Variants in ATRNL1 observed in about 807,000 individuals in gnomAD.
ATRNL1 encodes the protein attractin-like protein 1.
In ATRNL1, 95 loss-of-function variants were observed where a neutral mutation model predicts 182.7. The ratio of observed to expected loss-of-function variants is 0.52; its 90% confidence interval spans 0.44 to 0.62. ATRNL1 has a LOEUF of 0.62. ATRNL1 is among the 20% of genes least tolerant of loss of function. The pLI is 0.00. For synonymous variants in ATRNL1, 576 were observed against 568.3 expected, an observed-to-expected ratio of 1.01 and a Z score of -0.19; for missense variants, 1,471 against 1,679.5, an observed-to-expected ratio of 0.88 and a Z score of 2.17.
At chr10:115,252,465 CT>C (rs1384882879) in intron 10 of ATRNL1, among the ~76,000 whole-genome samples, 1 of 152,230 alleles carries the variant, frequency 6.6e-6, no homozygotes, top group African/African-American at 2.4e-5. Context: ...AGATTCTGCC[CT>C]GCGCCACAGG....
chr10:115,842,117 A>G (rs1377652739), intron 27 of ATRNL1, among the ~76,000 whole-genome samples: 4 of 115,158 alleles, frequency 3.5e-5, no homozygotes, highest in Admixed American at 2.1e-4. Flanking sequence ...TGCATTTTTA[A>G]TATTTCACTC....
At chr10:115,250,729 C>T (rs2133841831) in intron 10 of ATRNL1, among the ~76,000 whole-genome samples, 1 of 152,280 alleles carries the variant, frequency 6.6e-6, no homozygotes, top group South Asian at 2.1e-4. Flanking sequence ...GTCCACTGGA[C>T]CCCTAAATAT....
chr10:115,177,932 T>G (rs1592217385), intron 8 of ATRNL1, among the ~76,000 whole-genome samples: 1 of 146,024 alleles, frequency 6.8e-6, no homozygotes, highest in African/African-American at 2.5e-5. Context: ...TTGTTTTTTT[T>G]TTTTTTGAGA....
intron 27 of ATRNL1, among the ~76,000 whole-genome samples, chr10:115,774,425 CAAAAAAAAAAAA>C (rs56048429): frequency 8.6e-5 from 6 of 69,376 alleles, no homozygotes; most frequent in Non-Finnish European, 1.4e-4. Context: ...GACTCCATCT[CAAAAAAAAAAAA>C]AAAAAAAAAA....
chr10:115,458,792 G>A (rs932806303), intron 21 of ATRNL1, among the ~76,000 whole-genome samples: 11 of 152,072 alleles, frequency 7.2e-5, no homozygotes, highest in Non-Finnish European at 1.3e-4. Flanking sequence ...TGCTTGAGCA[G>A]ACAAATTTGT....
rs573173618 is a variant in ATRNL1, at chr10:115,286,256, T to C, written c.2274T>C (p.Ala758=). The part of the protein sequence containing the change: ...CGEGWSHIGD[A]CLRVNSSREN... ...AAGGATGGAGTCATATTGGGGATGC[T>C]TGTCTTAGAGTCAATTCCAGTAGAG... is the stretch of plus-strand genomic sequence containing the variant. The change falls in exon 15 of 29, where the codon GCT becomes GCC. Residue 758 remains alanine (A), a synonymous_variant. Transcript: ENST00000355044. 3.1e-6 allele frequency: 5 copies of C among 1,599,166 alleles called. No individual in the cohort carries two copies. The South Asian group carries it at 5.5e-5, about 18-fold the overall frequency.
chr10:115,858,692 TTAAAA>T (rs1176778430), intron 28 of ATRNL1, among the ~76,000 whole-genome samples: 8 of 152,230 alleles, frequency 5.3e-5, no homozygotes, highest in African/African-American at 1.2e-4. Flanking sequence ...ACCTCGGAAC[TTAAAA>T]TAAAATAAAT....
intron 28 of ATRNL1, among the ~76,000 whole-genome samples, chr10:115,874,493 G>T (rs1951656617): frequency 6.6e-6 from 1 of 152,136 alleles, no homozygotes; most frequent in Non-Finnish European, 1.5e-5. Context: ...ATCAGAGAAA[G>T]AAATCAATGT....
chr10:115,325,348 CACT>C (rs1854816736), intron 18 of ATRNL1, among the ~76,000 whole-genome samples: 1 of 152,152 alleles, frequency 6.6e-6, no homozygotes, highest in African/African-American at 2.4e-5. Flanking sequence ...GTCGATCTAA[CACT>C]CTTTTGGTAG....
intron 27 of ATRNL1, among the ~76,000 whole-genome samples, chr10:115,797,182 C>T (rs1189455745): frequency 6.6e-6 from 1 of 151,998 alleles, no homozygotes; most frequent in East Asian, 1.9e-4. Flanking sequence ...TTCATTTATT[C>T]AAAATGTAGT....
At chr10:115,208,990 G>A (rs1848911311) in intron 8 of ATRNL1, among the ~76,000 whole-genome samples, 1 of 151,570 alleles carries the variant, frequency 6.6e-6, no homozygotes, top group African/African-American at 2.4e-5. Context: ...ATGAAATATA[G>A]TATTTCACTT....
intron 20 of ATRNL1, among the ~76,000 whole-genome samples, chr10:115,402,484 T>C (rs1748406770): frequency 6.6e-6 from 1 of 152,154 alleles, no homozygotes; most frequent in African/African-American, 2.4e-5. Context: ...TTTTCCCTTA[T>C]CTAGCCAAAA....
At chr10:115,206,391 T>G (rs1298108170) in intron 8 of ATRNL1, among the ~76,000 whole-genome samples, 2 of 152,148 alleles carry the variant, frequency 1.3e-5, no homozygotes, top group African/African-American at 4.8e-5. Context: ...ATGGTTGCTG[T>G]ATTATTTACA....
At chr10:115,101,726 A>T (rs1299671379) in intron 1 of ATRNL1, among the ~76,000 whole-genome samples, 15 of 151,984 alleles carry the variant, frequency 9.9e-5, no homozygotes, top group East Asian at 5.8e-4. Context: ...GCACCATGGG[A>T]CTCTCCTGAT....
At chr10:115,247,362 G>A (rs1430154782) in intron 10 of ATRNL1, among the ~76,000 whole-genome samples, 8 of 151,930 alleles carry the variant, frequency 5.3e-5, no homozygotes, top group Admixed American at 4.6e-4. Context: ...AACAAAAATA[G>A]GCAAATGATC....
At chr10:115,434,483 C>T (rs1304607300) in intron 21 of ATRNL1, among the ~76,000 whole-genome samples, 2 of 151,976 alleles carry the variant, frequency 1.3e-5, no homozygotes, top group Non-Finnish European at 1.5e-5. Flanking sequence ...AGGTTTCAAC[C>T]CTCTTAACCA....
intron 27 of ATRNL1, among the ~76,000 whole-genome samples, chr10:115,749,500 G>A (rs151329773): frequency 1.7e-4 from 26 of 151,904 alleles, no homozygotes; most frequent in African/African-American, 4.3e-4. Context: ...GGTAAAAGAC[G>A]TGTACAGTAA....
intron 1 of ATRNL1, among the ~76,000 whole-genome samples, chr10:115,100,768 A>G (rs180903083): frequency 2.6e-5 from 4 of 152,306 alleles, no homozygotes; most frequent in South Asian, 2.1e-4. Flanking sequence ...GTCAGTTTCT[A>G]TAAAAAGCCT....
chr10:115,202,437 A>C (rs1364374808), intron 8 of ATRNL1, among the ~76,000 whole-genome samples: 4 of 152,126 alleles, frequency 2.6e-5, no homozygotes, highest in Non-Finnish European at 4.4e-5. Context: ...AGTTTTTAGC[A>C]TGAAGGGCTG....
Sources: gnomAD v4.1 joint callset for allele counts (sites outside exome capture counted in the v4.1 genomes callset) on GRCh38, gnomAD v4.1.1 for gene constraint, MANE v1.5 for transcripts, NCBI Gene and HGNC (gene_info 2026-07-23, HGNC 2026-07-21) for gene names.